The following EHMT1 variants were observed in gnomAD, a reference collection of about 807,000 sequenced individuals.
EHMT1 encodes histone-lysine N-methyltransferase EHMT1.
Under a neutral mutation model 147.2 loss-of-function variants are expected in EHMT1, and 15 were observed. The observed-to-expected ratio is 0.10, with a 90% CI of 0.07 to 0.16. The LOEUF is 0.16. EHMT1 is among the 10% of genes least tolerant of loss of function. EHMT1 has a pLI of 1.00. For missense variants in EHMT1, 1,587 were observed against 1,772.4 expected (o/e 0.90, Z 1.88); for synonymous variants, 795 against 709.6 (o/e 1.12, Z -1.91).
chr9:137,641,058 C>G (rs915104102), intron 1 of EHMT1: 3 of 240,850 alleles, frequency 1.2e-5, no homozygotes, highest in African/African-American at 7.0e-5. Context: ...TCCTCCTCAT[C>G]ATCTTCGTCT....
chr9:137,785,824 C>T (rs1487370939), intron 15 of EHMT1: 6 of 152,242 alleles, frequency 3.9e-5, no homozygotes, highest in Admixed American at 6.5e-5. Context: ...ACCTGGTGGA[C>T]GCCTGGGTGC....
chr9:137,795,221 G>T (rs1375313069), intron 16 of EHMT1: 2 of 152,116 alleles, frequency 1.3e-5, no homozygotes, highest in Admixed American at 1.3e-4. Context: ...AAGTATTTCT[G>T]ATATTAAACA....
chr9:137,813,037 T>C lies in EHMT1; in HGVS notation c.2899T>C (p.Leu967=), dbSNP rs1431269217. Residue 967 remains leucine, a synonymous_variant, in exon 20 of 27, where the codon TTA becomes CTA. Coordinates refer to ENST00000460843, the MANE Select transcript of EHMT1 (RefSeq NM_024757.5). The surrounding 1 kb of genome is among the most constrained non-coding windows in gnomAD (Gnocchi z 4.9). ...TCTTTCTCGGGATTCAGATGTCACC[T>C]TAAAGAACAAGGAAGGAGAGACGCC... ...LFLSRDSDVT[L]KNKEGETPLQ... 1 of 1,614,068 alleles carries C rather than the reference T, an allele frequency of 6.2e-7. No homozygotes were observed. Among genetic ancestry groups the C allele is most frequent in the East Asian group, 2.2e-5 (1 of 44,892 alleles).
chr9:137,744,269 T>C (rs1415994589), intron 6 of EHMT1, among the ~76,000 whole-genome samples, 179 bp downstream of exon 6: 6 of 152,228 alleles, frequency 3.9e-5, no homozygotes, highest in Non-Finnish European at 7.3e-5. Context: ...TCAAGAAGTA[T>C]TTATGTTTCT....
chr9:137,691,912 C>T lies in EHMT1; in HGVS notation c.22-19055C>T, dbSNP rs116738671. On this transcript the variant is annotated intron_variant, in intron 1 of 26. Transcript: ENST00000460843. ...GGACTGGGCCCTGTGTTTCCTGGCC[C>T]TGGTTCTCTCATTTCCTTCCTCTTT... is the stretch of plus-strand genomic sequence containing the variant. Among the ~76,000 whole-genome samples the T allele has an allele frequency of 5.4e-3, 822 of 152,294 alleles. 10 individuals are homozygous for T. The highest frequency in any genetic ancestry group is 0.019 in the African/African-American group (778 of 41,556).
intron 18 of EHMT1, among the ~76,000 whole-genome samples, chr9:137,805,970 CT>C (rs36041351): frequency 5.8e-4 from 80 of 137,178 alleles, no homozygotes; most frequent in Non-Finnish European, 5.1e-4. Flanking sequence ...CTGGTTTTTT[CT>C]TTTTTTTTTT....
chr9:137,694,341 T>C lies in EHMT1; in HGVS notation c.22-16626T>C, dbSNP rs191113742. Among the ~76,000 whole-genome samples the C allele has an allele frequency of 5.1e-3, 749 of 146,436 alleles. 8 individuals carry two copies. Among genetic ancestry groups the C allele is most frequent in the African/African-American group, 0.018 (710 of 38,836 alleles). ...CCCCCCACACAGTGGCGCAGGACGCTGGCCGATACCCACCAGGCGATGGTG... is the reference window on the plus strand; with the variant it reads ...CCCCCCACACAGTGGCGCAGGACGCCGGCCGATACCCACCAGGCGATGGTG... On this transcript the variant is annotated intron_variant, in intron 1 of 26. Coordinates refer to ENST00000460843, the MANE Select transcript of EHMT1 (RefSeq NM_024757.5).
intron 17 of EHMT1, 61 bp downstream of exon 17, chr9:137,798,975 T>C (rs928985769): frequency 2.2e-6 from 3 of 1,373,658 alleles, no homozygotes; most frequent in African/African-American, 2.9e-5. Context: ...AACTCACTGT[T>C]CTGCAGCTCC....
chr9:137,713,136 C>T (rs541310028), intron 2 of EHMT1, among the ~76,000 whole-genome samples: 1 of 152,228 alleles, frequency 6.6e-6, no homozygotes, highest in African/African-American at 2.4e-5. Flanking sequence ...CAGGGTCTCC[C>T]TCTGTAATCC....
chr9:137,754,031 TC>T (rs1949191171), intron 7 of EHMT1, 139 bp from the exon 8 acceptor site: 2 of 1,425,392 alleles, frequency 1.4e-6, no homozygotes, highest in Non-Finnish European at 2.0e-6. Flanking sequence ...CAGCAAAATG[TC>T]TACAAGTTAA....
chr9:137,819,981 T>G (rs1955275880), intron 25 of EHMT1: 2 of 152,128 alleles, frequency 1.3e-5, no homozygotes, highest in African/African-American at 4.8e-5. Context: ...TTAAAACCTC[T>G]TGAAACTTGC....
Position 137,695,601 on chromosome 9 carries a change from G to A in EHMT1, c.22-15366G>A, listed in dbSNP as rs373761713. Among the ~76,000 whole-genome samples, 9 of 152,238 alleles carry A rather than the reference G, an allele frequency of 5.9e-5. No individual in the cohort carries two copies. In the East Asian group the frequency reaches 1.3e-3, roughly 23 times the overall value. ...AGACTCGAACATGGGGGTGGTGTTA[G>A]TGTGGGCTGCGTCCTTCCACATCTG... On this transcript the variant is annotated intron_variant, in intron 1 of 26. Coordinates refer to ENST00000460843, the MANE Select transcript of EHMT1 (RefSeq NM_024757.5).
At chr9:137,654,956 C>T (rs994044270) in intron 1 of EHMT1, among the ~76,000 whole-genome samples, 1 of 150,706 alleles carries the variant, frequency 6.6e-6, no homozygotes, top group African/African-American at 2.4e-5. Flanking sequence ...TATTCAGGGA[C>T]TGCAGCAGGA....
At chr9:137,652,790 A>G (rs1399676133) in intron 1 of EHMT1, among the ~76,000 whole-genome samples, 4 of 151,302 alleles carry the variant, frequency 2.6e-5, no homozygotes, top group African/African-American at 9.7e-5. Context: ...CAGTGGTGCA[A>G]TCTCGGCTCA....
At chr9:137,804,709 GGT>G (rs1384332586) in intron 18 of EHMT1, among the ~76,000 whole-genome samples, 1 of 152,060 alleles carries the variant, frequency 6.6e-6, no homozygotes, top group Non-Finnish European at 1.5e-5. Context: ...ATGGTTTGGG[GGT>G]TTACATTTAG....
At position 137,757,967 on chromosome 9, in the gene EHMT1, C is replaced by T; in HGVS notation, c.1457C>T (p.Ser486Phe). The change falls in exon 9 of 27, where the codon TCC (serine) becomes TTC (phenylalanine). Residue 486 changes from serine to phenylalanine, a missense_variant. By Grantham distance (155) the Ser-to-Phe change is radical. Transcript: ENST00000460843. ...GGGTACATGGAAGTTTCTCTGGACT[C>T]CCTGGATCTCCGAGTCAAAGGAATT... ...STGYMEVSLD[S>F]LDLRVKGILS... 6.2e-7 allele frequency: 1 copy of T among 1,614,050 alleles called. No homozygotes were observed. The highest frequency in any genetic ancestry group is 8.5e-7 in the Non-Finnish European group (1 of 1,180,004).
chr9:137,800,180 G>C (rs1466623752), intron 17 of EHMT1, among the ~76,000 whole-genome samples: 1 of 152,200 alleles, frequency 6.6e-6, no homozygotes, highest in Non-Finnish European at 1.5e-5. Context: ...TCTGCCTTCA[G>C]AGTAGGAATT....
Position 137,782,472 on chromosome 9 carries a change from G to C in EHMT1, c.2382+75G>C. ...TTTTACCAAAGTAAAATCATACCAC[G>C]TTCGCGGTTCTTCCAGTGTAAGAGT... On this transcript the variant is annotated intron_variant, in intron 15 of 26. Coordinates refer to ENST00000460843, the MANE Select transcript of EHMT1 (RefSeq NM_024757.5). This position sits in a 1 kb window ranked among gnomAD's most constrained non-coding sequence, Gnocchi z 5.7. The C allele has an allele frequency of 1.4e-6, 2 of 1,381,038 alleles. No homozygotes were observed. The highest frequency in any genetic ancestry group is 2.5e-5 in the South Asian group (2 of 80,408). 85.5% of individuals were successfully genotyped at this position (1,381,038 alleles called of 1,614,324 possible). A position where few individuals can be genotyped will look rare whatever the true frequency, so the allele number is the denominator to read the frequency against.
At position 137,717,014 on chromosome 9, in the gene EHMT1, G is replaced by A. The variant is rs898224027; in HGVS notation, c.474G>A (p.Gly158=). Residue 158 remains glycine, a synonymous_variant, in exon 3 of 27, where the codon GGG becomes GGA. Coordinates refer to ENST00000460843, the MANE Select transcript of EHMT1 (RefSeq NM_024757.5). ...PGHAAKTLPG[G]AGKGRTPSAF... is the part of the protein sequence containing the mutation. Reference sequence around the variant, plus strand: ...ATGCTGCAAAAACCCTTCCTGGAGGGGCTGGCAAAGGCAGGACTCCAAGCG... The same window carrying A: ...ATGCTGCAAAAACCCTTCCTGGAGGAGCTGGCAAAGGCAGGACTCCAAGCG... The A allele has an allele frequency of 1.2e-6, 2 of 1,606,474 alleles. No individual in the cohort carries two copies. Among genetic ancestry groups the A allele is most frequent in the South Asian group, 2.2e-5 (2 of 90,942 alleles).
Sources: gnomAD v4.1 joint callset for allele counts (sites outside exome capture counted in the v4.1 genomes callset) on GRCh38, gnomAD v4.1.1 for gene constraint, Gnocchi (gnomAD v3.1) non-coding constraint, MANE v1.5 for transcripts, NCBI Gene and HGNC (gene_info 2026-07-23, HGNC 2026-07-21) for gene names.